The following ADCY2 variants were observed in gnomAD, a reference collection of about 807,000 sequenced individuals.
ADCY2 encodes the protein adenylate cyclase type 2.
A neutral mutation model predicts 125.2 loss-of-function variants in ADCY2; 31 were observed. The ratio of observed to expected loss-of-function variants is 0.25; its 90% CI spans 0.19 to 0.33. The LOEUF (loss-of-function observed/expected upper bound fraction) is 0.33, where lower values mean the gene tolerates loss of function less well. ADCY2 is among the 10% of genes least tolerant of loss of function. The pLI is 1.00. For missense variants in ADCY2, 904 were observed against 1,418.2 expected (o/e 0.64, Z 5.82); for synonymous variants, 512 against 548.4 (o/e 0.93, Z 0.93).
chr5:7,488,011 AC>A (rs1743005848), intron 2 of ADCY2, among the ~76,000 whole-genome samples: 1 of 152,186 alleles, frequency 6.6e-6, no homozygotes, highest in Non-Finnish European at 1.5e-5. Flanking sequence ...AAAGAAAAAA[AC>A]ATTATGATAT....
intron 18 of ADCY2, among the ~76,000 whole-genome samples, chr5:7,783,708 G>A: frequency 6.6e-6 from 1 of 152,210 alleles, no homozygotes; most frequent in South Asian, 2.1e-4. Flanking sequence ...TTTGAAGGAT[G>A]TGTGGGTGCT....
At chr5:7,646,878 T>A (rs1036266297) in intron 4 of ADCY2, among the ~76,000 whole-genome samples, 3 of 152,144 alleles carry the variant, frequency 2.0e-5, no homozygotes, top group Admixed American at 6.5e-5. Context: ...CTTGAGCAAA[T>A]GGGCAATTTC....
chr5:7,694,344 CACTT>C (rs1561171184), intron 5 of ADCY2, among the ~76,000 whole-genome samples: 1 of 152,128 alleles, frequency 6.6e-6, no homozygotes, highest in African/African-American at 2.4e-5. Flanking sequence ...GGATCACGGA[CACTT>C]ACATTGTTCT....
At chr5:7,522,055 A>G (rs1744463981) in intron 3 of ADCY2, among the ~76,000 whole-genome samples, 3 of 152,212 alleles carry the variant, frequency 2.0e-5, no homozygotes, top group Non-Finnish European at 4.4e-5. Context: ...GACACATGCT[A>G]GGAACCTGCA....
intron 5 of ADCY2, chr5:7,691,497 T>C (rs916831981): frequency 6.6e-6 from 1 of 151,044 alleles, no homozygotes; most frequent in African/African-American, 2.4e-5. Context: ...AAGAGATTGG[T>C]GTGGGGCTTC....
intron 3 of ADCY2, among the ~76,000 whole-genome samples, chr5:7,529,302 T>C (rs1223365844): frequency 6.6e-6 from 1 of 152,124 alleles, no homozygotes; most frequent in African/African-American, 2.4e-5. Context: ...AAGCATCAGG[T>C]ATTAAAAATA....
chr5:7,406,157 G>A (rs992460111), intron 1 of ADCY2, among the ~76,000 whole-genome samples: 4 of 152,134 alleles, frequency 2.6e-5, no homozygotes, highest in Non-Finnish European at 5.9e-5. Flanking sequence ...TCTGTGCCAG[G>A]CCAATTTATT....
At chr5:7,477,206 T>A (rs1742558886) in intron 2 of ADCY2, among the ~76,000 whole-genome samples, 1 of 151,592 alleles carries the variant, frequency 6.6e-6, no homozygotes, top group Non-Finnish European at 1.5e-5. Flanking sequence ...ATGTTTTTTT[T>A]AAAAGAGACC....
chr5:7,642,207 A>G (rs1311787733), intron 4 of ADCY2, among the ~76,000 whole-genome samples: 2 of 152,022 alleles, frequency 1.3e-5, no homozygotes, highest in Admixed American at 1.3e-4. Context: ...CTGTTTTAAT[A>G]CTAGTTATTC....
chr5:7,629,709 A>G (rs1738254296), intron 4 of ADCY2, among the ~76,000 whole-genome samples: 1 of 152,224 alleles, frequency 6.6e-6, no homozygotes, highest in Admixed American at 6.5e-5. Context: ...TTCATATCCC[A>G]CAGTAAAATC....
rs115133701 is a variant in ADCY2 at position 7,682,261 on chromosome 5, C to T, written c.721-8430C>T. ...CATGCAAGTAGAGCAGTTCTAAAAT[C>T]GCCTGGGAATAATAGGAGAGGGTGC... On this transcript the variant is annotated intron_variant, in intron 4 of 24. Transcript: ENST00000338316. Among the ~76,000 whole-genome samples, 785 of 152,232 alleles carry T rather than the reference C, an allele frequency of 5.2e-3. 5 individuals are homozygous for T. The highest frequency in any genetic ancestry group is 0.018 in the African/African-American group (731 of 41,554).
At chr5:7,783,002 C>T (rs910546003) in intron 18 of ADCY2, among the ~76,000 whole-genome samples, 7 of 151,922 alleles carry the variant, frequency 4.6e-5, no homozygotes, top group South Asian at 4.2e-4. Context: ...CCTCCAGCTG[C>T]GGCAGGTTTG....
rs138034009 is a variant in ADCY2, at chr5:7,817,127, A to G, written c.2998+147A>G. 232 of 652,912 alleles carry G rather than the reference A, an allele frequency of 3.6e-4. 3 individuals carry two copies. In the East Asian group the frequency reaches 6.2e-3, roughly 18 times the overall value. 40.4% of individuals were successfully genotyped at this position (652,912 alleles called of 1,614,324 possible). On this transcript the variant is annotated intron_variant, in intron 23 of 24. Coordinates refer to ENST00000338316, the MANE Select transcript of ADCY2 (RefSeq NM_020546.3). ...GCAAGACTGGATGACAGAAGGAAGG[A>G]CACTTTTGAACAAATTAGAAAAAAA...
intron 3 of ADCY2, among the ~76,000 whole-genome samples, chr5:7,578,517 T>A (rs1736322941): frequency 6.6e-6 from 1 of 152,210 alleles, no homozygotes; most frequent in South Asian, 2.1e-4. Context: ...AGTTTTTGTT[T>A]GTTGATGTAT....
chr5:7,418,803 G>C (rs551923166), intron 2 of ADCY2, among the ~76,000 whole-genome samples: 2 of 151,568 alleles, frequency 1.3e-5, no homozygotes, highest in African/African-American at 2.4e-5. Context: ...TTATAGGCAC[G>C]TGCCACCACA....
intron 3 of ADCY2, among the ~76,000 whole-genome samples, chr5:7,623,735 C>T (rs1208192692): frequency 6.6e-6 from 1 of 152,220 alleles, no homozygotes; most frequent in Non-Finnish European, 1.5e-5. Context: ...CACCTCCTTA[C>T]ACACAGACTG....
intron 10 of ADCY2, among the ~76,000 whole-genome samples, chr5:7,712,546 G>A (rs557506993): frequency 6.6e-6 from 1 of 152,182 alleles, no homozygotes; most frequent in Admixed American, 6.5e-5. Context: ...TCTGATATCA[G>A]TCGCCGGCAG....
At chr5:7,459,968 A>C (rs1741858592) in intron 2 of ADCY2, among the ~76,000 whole-genome samples, 1 of 151,106 alleles carries the variant, frequency 6.6e-6, no homozygotes, top group South Asian at 2.1e-4. Flanking sequence ...TTGTATTTTT[A>C]GTAGGGATGA....
At chr5:7,753,245 A>G (rs547119656) in intron 15 of ADCY2, among the ~76,000 whole-genome samples, 2 of 152,264 alleles carry the variant, frequency 1.3e-5, no homozygotes, top group South Asian at 4.1e-4. Flanking sequence ...CACTGCATTT[A>G]GTATCAATCC....
Sources: gnomAD v4.1 joint callset for allele counts (sites outside exome capture counted in the v4.1 genomes callset) on GRCh38, gnomAD v4.1.1 for gene constraint, MANE v1.5 for transcripts, NCBI Gene and HGNC (gene_info 2026-07-23, HGNC 2026-07-21) for gene names.